The following AKAP7 variants were observed in gnomAD, a reference collection of about 807,000 sequenced individuals.
AKAP7 encodes the protein A kinase (PRKA) anchor protein 7.
A neutral mutation model predicts 39.5 loss-of-function variants in AKAP7; 39 were observed. The observed-to-expected ratio is 0.99, with a 90% CI of 0.76 to 1.29. AKAP7 has a LOEUF of 1.29. Among genes scored for constraint, AKAP7 ranks in the 50% most tolerant of loss-of-function variants. AKAP7 has a pLI of 0.00. For missense variants in AKAP7, 414 were observed against 407.7 expected, an observed-to-expected ratio of 1.02 and a Z score of -0.13; for synonymous variants, 140 against 139.1, an observed-to-expected ratio of 1.01 and a Z score of -0.05.
intron 7 of AKAP7, 58 bp downstream of exon 7, chr6:131,219,866 T>A (rs1809551654): frequency 8.3e-7 from 1 of 1,200,622 alleles, no homozygotes; most frequent in Admixed American, 3.2e-5. Context: ...TGGCATCACT[T>A]TTATCTTGGC....
chr6:131,175,476 C>T (rs1804489152), intron 5 of AKAP7, among the ~76,000 whole-genome samples: 1 of 152,166 alleles, frequency 6.6e-6, no homozygotes, highest in Non-Finnish European at 1.5e-5. Context: ...CAATTTCAGA[C>T]ACTACTCTTT....
chr6:131,246,094 A>AATATATATATATATATATAT (rs57449798), intron 7 of AKAP7, among the ~76,000 whole-genome samples: 5 of 143,938 alleles, frequency 3.5e-5, no homozygotes, highest in African/African-American at 1.0e-4. Flanking sequence ...CAGAAGTCCA[A>AATATATATATATATATATAT]ATATATATAT....
intron 2 of AKAP7, among the ~76,000 whole-genome samples, chr6:131,156,849 C>A (rs1053491963): frequency 1.3e-5 from 2 of 151,680 alleles, no homozygotes; most frequent in African/African-American, 2.4e-5. Flanking sequence ...ATTTCGGCTC[C>A]CTGCAAGCTC....
In AKAP7 at chr6:131,145,394, A is replaced by G. The variant is rs756004830; in HGVS notation, c.129A>G (p.Val43=). ...DSLVDMPFAT[V]DIQDDCGITD... is the part of the protein sequence containing the mutation. The stretch of plus-strand genomic sequence containing the variant: ...TGGTAGACATGCCATTTGCTACTGT[A>G]GATATTCAGGATGACTGTGGAAGTA... The change falls in exon 2 of 8, where the codon GTA becomes GTG. Residue 43 remains valine (V), a synonymous_variant. Coordinates refer to ENST00000431975, the MANE Select transcript of AKAP7 (RefSeq NM_016377.4). 5 of 1,545,218 alleles carry G rather than the reference A, an allele frequency of 3.2e-6. No homozygotes were observed. In the East Asian group the frequency reaches 1.2e-4, roughly 36 times the overall value.
rs527758381 is a variant in AKAP7, at chr6:131,153,129, C to CAAAA, written c.152-6918_152-6915dup. ...TGGACGACAGAGCAAGACTCCATCTCAAAAAAAAAAAAAAAGAGAGAGAGA... is the reference window on the plus strand; with the variant it reads ...TGGACGACAGAGCAAGACTCCATCTCAAAAAAAAAAAAAAAAAAAGAGAGAGAGA... On this transcript the variant is annotated intron_variant, in intron 2 of 7. Transcript: ENST00000431975. Among the ~76,000 whole-genome samples the CAAAA allele has an allele frequency of 1.2e-3, 137 of 111,500 alleles. 1 individual carries two copies. Among genetic ancestry groups the CAAAA allele is most frequent in the Middle Eastern group, 5.2e-3 (1 of 192 alleles). 73.1% of individuals were successfully genotyped at this position (111,500 alleles called of 152,430 possible).
intron 3 of AKAP7, among the ~76,000 whole-genome samples, chr6:131,161,595 A>G (rs1802952838): frequency 7.6e-6 from 1 of 131,704 alleles, no homozygotes; most frequent in Admixed American, 8.8e-5. Context: ...CAGTGAGCCA[A>G]GGTTGTGCCA....
At chr6:131,195,176 A>T (rs1474369574) in intron 5 of AKAP7, among the ~76,000 whole-genome samples, 1 of 151,114 alleles carries the variant, frequency 6.6e-6, no homozygotes, top group African/African-American at 2.4e-5. Flanking sequence ...TTAATTTCTC[A>T]GTTTTTATTT....
chr6:131,207,457 C>G (rs967423491), intron 6 of AKAP7, among the ~76,000 whole-genome samples: 1 of 144,366 alleles, frequency 6.9e-6, no homozygotes, highest in Non-Finnish European at 1.5e-5. Flanking sequence ...GTAGCTGGGA[C>G]TACAGGTGTG....
chr6:131,193,847 G>T (rs1192677595), intron 5 of AKAP7, among the ~76,000 whole-genome samples: 2 of 151,834 alleles, frequency 1.3e-5, no homozygotes, highest in Non-Finnish European at 2.9e-5. Flanking sequence ...ATAGTTACTC[G>T]TAGCAGCCAC....
intron 4 of AKAP7, among the ~76,000 whole-genome samples, chr6:131,168,575 A>G (rs1249729011): frequency 8.5e-5 from 13 of 152,326 alleles, no homozygotes; most frequent in East Asian, 5.8e-4. Context: ...CATAGTTACA[A>G]TTGGGGAATA....
At chr6:131,251,514 C>T (rs774369915) in intron 7 of AKAP7, among the ~76,000 whole-genome samples, 2 of 152,024 alleles carry the variant, frequency 1.3e-5, no homozygotes, top group Admixed American at 6.6e-5. Flanking sequence ...GAAAGATATA[C>T]GTCTGGTTTA....
chr6:131,251,826 A>G (rs188689830), intron 7 of AKAP7, among the ~76,000 whole-genome samples: 1 of 152,236 alleles, frequency 6.6e-6, no homozygotes, highest in Non-Finnish European at 1.5e-5. Context: ...AACAAAGACC[A>G]TTGGCATTCA....
chr6:131,254,301 T>G (rs1812678452), intron 7 of AKAP7, among the ~76,000 whole-genome samples: 1 of 152,210 alleles, frequency 6.6e-6, no homozygotes, highest in African/African-American at 2.4e-5. Flanking sequence ...GCTGACTACT[T>G]ATATAGAACT....
chr6:131,218,623 A>G (rs554854741), intron 6 of AKAP7, among the ~76,000 whole-genome samples: 1 of 152,218 alleles, frequency 6.6e-6, no homozygotes, highest in Admixed American at 6.5e-5. Context: ...TGGGACTCTG[A>G]GGCTGAGTTG....
intron 2 of AKAP7, among the ~76,000 whole-genome samples, chr6:131,149,774 G>A (rs1035697780): frequency 6.6e-6 from 1 of 152,174 alleles, no homozygotes; most frequent in African/African-American, 2.4e-5. Context: ...TGTTTACAAG[G>A]GAAATGTTGT....
chr6:131,168,077 G>A (rs146621963), intron 4 of AKAP7, among the ~76,000 whole-genome samples: 123 of 152,092 alleles, frequency 8.1e-4, no homozygotes, highest in African/African-American at 2.0e-3. Flanking sequence ...CAAAAATCTC[G>A]TAATGTCCAA....
chr6:131,144,899 A>G (rs963598141), intron 1 of AKAP7, among the ~76,000 whole-genome samples: 10 of 152,228 alleles, frequency 6.6e-5, no homozygotes, highest in Non-Finnish European at 1.2e-4. Flanking sequence ...ATAAGAACAC[A>G]TAAGTGATAT....
chr6:131,142,482 G>A (rs72989894), intron 1 of AKAP7, among the ~76,000 whole-genome samples: 31,175 of 152,230 alleles, frequency 0.2, 3,842 homozygotes, highest in Non-Finnish European at 0.27. Context: ...GTGATGTTAA[G>A]CCTGCAGGTG....
chr6:131,249,923 C>T (rs929324856), intron 7 of AKAP7, among the ~76,000 whole-genome samples: 11 of 152,012 alleles, frequency 7.2e-5, no homozygotes, highest in African/African-American at 2.7e-4. Flanking sequence ...AAAGATATGC[C>T]GTACCGTACA....
Sources: allele counts gnomAD v4.1 joint callset (sites outside exome capture counted in the v4.1 genomes callset), GRCh38; gene constraint gnomAD v4.1.1; transcripts MANE v1.5; gene names NCBI Gene and HGNC (gene_info 2026-07-23, HGNC 2026-07-21).